The following ATRNL1 variants were observed in gnomAD, a reference collection of about 807,000 sequenced individuals.
The protein encoded by ATRNL1 is attractin like 1.
A neutral mutation model predicts 182.7 loss-of-function variants in ATRNL1; 95 were observed. That is an observed-to-expected ratio of 0.52 (90% CI 0.44 to 0.62). The LOEUF is 0.62. ATRNL1 is among the 20% of genes least tolerant of loss of function. ATRNL1 has a pLI of 0.00. For synonymous variants in ATRNL1, 576 were observed against 568.3 expected, an observed-to-expected ratio of 1.01 and a Z score of -0.19; for missense variants, 1,471 against 1,679.5, an observed-to-expected ratio of 0.88 and a Z score of 2.17.
At chr10:115,764,968 C>T (rs1298532551) in intron 27 of ATRNL1, among the ~76,000 whole-genome samples, 1 of 152,174 alleles carries the variant, frequency 6.6e-6, no homozygotes, top group Non-Finnish European at 1.5e-5. Context: ...GCCACCATGC[C>T]CAGCCTCCTC....
At chr10:115,553,934 T>C (rs951127068) in intron 26 of ATRNL1, among the ~76,000 whole-genome samples, 1 of 151,466 alleles carries the variant, frequency 6.6e-6, no homozygotes, top group Non-Finnish European at 1.5e-5. Flanking sequence ...CTTTTCTCCT[T>C]AGACACTAAA....
chr10:115,121,353 G>A (rs1844722414), intron 2 of ATRNL1, among the ~76,000 whole-genome samples: 1 of 152,146 alleles, frequency 6.6e-6, no homozygotes. Context: ...CTCGTGATCT[G>A]CCTGCTTTGG....
chr10:115,893,207 A>G (rs1164237189), intron 28 of ATRNL1, among the ~76,000 whole-genome samples: 9 of 152,218 alleles, frequency 5.9e-5, no homozygotes, highest in African/African-American at 2.2e-4. Context: ...GTTGAGGGAA[A>G]TGGGGGCAGA....
At position 115,531,732 on chromosome 10, in the gene ATRNL1, G is replaced by T. The variant is rs1233107074; in HGVS notation, c.3716+12408G>T. Reference sequence around the variant, plus strand: ...CCTATGTCCTGAATGGTAAAGCCTAGGTTTTCTTCTAGGGTTTTTATGGTT... The same window carrying T: ...CCTATGTCCTGAATGGTAAAGCCTATGTTTTCTTCTAGGGTTTTTATGGTT... On this transcript the variant is annotated intron_variant, in intron 25 of 28. Transcript: ENST00000355044. Among the ~76,000 whole-genome samples, 1,264 of 150,902 alleles carry T rather than the reference G, an allele frequency of 8.4e-3. 17 individuals are homozygous for T. Among genetic ancestry groups the T allele is most frequent in the African/African-American group, 0.029 (1,204 of 41,382 alleles).
rs1325463013 is a variant in ATRNL1, at chr10:115,530,962, C to G, written c.3716+11638C>G. On this transcript the variant is annotated intron_variant, in intron 25 of 28. Coordinates refer to ENST00000355044, the MANE Select transcript of ATRNL1 (RefSeq NM_207303.4). ...GTCCCTACAAAGGGCATGAACTCAT[C>G]ATTTTTATGGCTGCATAGTATTCCA... Among the ~76,000 whole-genome samples the G allele has an allele frequency of 1.2e-3, 187 of 152,124 alleles. 4 individuals carry two copies. The highest frequency in any genetic ancestry group is 2.6e-4 in the Non-Finnish European group (18 of 68,008).
intron 21 of ATRNL1, among the ~76,000 whole-genome samples, chr10:115,457,120 C>T (rs1411033190): frequency 5.9e-5 from 9 of 152,054 alleles, no homozygotes; most frequent in South Asian, 2.1e-4. Flanking sequence ...GAATAAGGTA[C>T]GTGGACACCG....
intron 27 of ATRNL1, among the ~76,000 whole-genome samples, chr10:115,832,490 C>A (rs1950580835): frequency 6.6e-6 from 1 of 152,204 alleles, no homozygotes; most frequent in Non-Finnish European, 1.5e-5. Context: ...TCCTTCAAAT[C>A]TCATAGACTT....
At chr10:115,181,526 C>CA (rs1847745490) in intron 8 of ATRNL1, among the ~76,000 whole-genome samples, 1 of 151,454 alleles carries the variant, frequency 6.6e-6, no homozygotes. Flanking sequence ...CTGTAATTAC[C>CA]AGATGGGTCT....
chr10:115,436,823 T>A (rs1420624978), intron 21 of ATRNL1, among the ~76,000 whole-genome samples: 1 of 152,082 alleles, frequency 6.6e-6, no homozygotes, highest in Non-Finnish European at 1.5e-5. Context: ...TTAGACTCCA[T>A]GGATAACAAA....
At chr10:115,341,748 C>T (rs1057061799) in intron 19 of ATRNL1, among the ~76,000 whole-genome samples, 3 of 151,834 alleles carry the variant, frequency 2.0e-5, no homozygotes, top group Non-Finnish European at 4.4e-5. Flanking sequence ...CTGAATTGAC[C>T]GCTTTATCAT....
At chr10:115,609,385 A>G (rs545569140) in intron 26 of ATRNL1, among the ~76,000 whole-genome samples, 20 of 152,282 alleles carry the variant, frequency 1.3e-4, no homozygotes, top group African/African-American at 4.6e-4. Flanking sequence ...TTACACCCAC[A>G]GGGAACTTTA....
intron 26 of ATRNL1, among the ~76,000 whole-genome samples, chr10:115,722,029 A>G (rs1947442997): frequency 6.6e-6 from 1 of 152,172 alleles, no homozygotes; most frequent in Admixed American, 6.5e-5. Context: ...GGAATCTCGC[A>G]TTATTAAAGG....
At chr10:115,707,543 C>T (rs1946939339) in intron 26 of ATRNL1, among the ~76,000 whole-genome samples, 1 of 151,504 alleles carries the variant, frequency 6.6e-6, no homozygotes, top group African/African-American at 2.4e-5. Flanking sequence ...AAACATTATT[C>T]CAAATCTTAT....
At chr10:115,530,334 C>G (rs922689814) in intron 25 of ATRNL1, among the ~76,000 whole-genome samples, 2 of 152,068 alleles carry the variant, frequency 1.3e-5, no homozygotes, top group African/African-American at 4.8e-5. Context: ...ATTTTATAAT[C>G]TTACCAGCAA....
At chr10:115,199,524 A>T (rs1848480371) in intron 8 of ATRNL1, among the ~76,000 whole-genome samples, 1 of 152,072 alleles carries the variant, frequency 6.6e-6, no homozygotes, top group South Asian at 2.1e-4. Context: ...AGATTGCACC[A>T]CTGCACTTCA....
chr10:115,277,895 A>G (rs1316605231), intron 13 of ATRNL1, among the ~76,000 whole-genome samples: 3 of 152,180 alleles, frequency 2.0e-5, no homozygotes, highest in Admixed American at 2.0e-4. Flanking sequence ...ACTTTTGCAG[A>G]TTCTTTGAAG....
intron 27 of ATRNL1, among the ~76,000 whole-genome samples, chr10:115,809,452 T>A (rs1263168369): frequency 6.6e-6 from 1 of 152,032 alleles, no homozygotes; most frequent in East Asian, 1.9e-4. Context: ...AAGCTACAAG[T>A]TAAATAATAT....
intron 8 of ATRNL1, among the ~76,000 whole-genome samples, chr10:115,175,025 CT>C (rs1847445499): frequency 6.6e-6 from 1 of 151,908 alleles, no homozygotes; most frequent in South Asian, 2.1e-4. Flanking sequence ...TAAAAACTCA[CT>C]TTTTCATTGA....
At chr10:115,890,564 A>T (rs1952055724) in intron 28 of ATRNL1, among the ~76,000 whole-genome samples, 1 of 151,956 alleles carries the variant, frequency 6.6e-6, no homozygotes, top group Non-Finnish European at 1.5e-5. Context: ...ATTTTTTTCC[A>T]AGTGCATTAA....
Sources: gnomAD v4.1 joint callset for allele counts (sites outside exome capture counted in the v4.1 genomes callset) on GRCh38, gnomAD v4.1.1 for gene constraint, MANE v1.5 for transcripts, NCBI Gene and HGNC (gene_info 2026-07-23, HGNC 2026-07-21) for gene names.